AMZ1: variants seen among roughly 807,000 people sequenced by gnomAD.
AMZ1 encodes the protein archaemetzincin-1.
A neutral mutation model predicts 29.9 loss-of-function variants in AMZ1; 39 were observed. The ratio of observed to expected loss-of-function variants is 1.30; its 90% CI spans 1.01 to 1.70. AMZ1 has a LOEUF of 1.70. AMZ1 is among the 40% of genes most tolerant of loss of function. The pLI, the probability that AMZ1 is intolerant of heterozygous loss-of-function variation, is 0.00. For missense variants in AMZ1, 1,041 were observed against 680.6 expected, an observed-to-expected ratio of 1.53 and a Z score of -5.89; for synonymous variants, 458 against 304.0, an observed-to-expected ratio of 1.51 and a Z score of -5.27.
chr7:2,719,105 C>T lies in AMZ1; in HGVS notation c.*6227C>T, dbSNP rs1158745771. On this transcript the variant is annotated 3_prime_UTR_variant, in exon 7 of 7. Transcript: ENST00000683327. ...GGTGGGTGGTGGCCGTCCTCTTGGG[C>T]GCCCCCTTGTGAGGGCTCGAGGCCT... is the stretch of plus-strand genomic sequence containing the variant. 1.3e-5 allele frequency among the ~76,000 whole-genome samples: 2 copies of T among 151,746 alleles called. No individual in the cohort carries two copies. Among genetic ancestry groups the T allele is most frequent in the Non-Finnish European group, 2.9e-5 (2 of 67,992 alleles).
chr7:2,738,370 TAGG>T (rs1437149332), intron 4 of AMZ1, among the ~76,000 whole-genome samples: 1 of 151,670 alleles, frequency 6.6e-6, no homozygotes, highest in Non-Finnish European at 1.5e-5. Context: ...AAACGTCTAG[TAGG>T]AGAAGCTGCT....
chr7:2,691,303 CAG>C (rs1238378243), intron 1 of AMZ1, among the ~76,000 whole-genome samples: 1 of 147,702 alleles, frequency 6.8e-6, no homozygotes, highest in Non-Finnish European at 1.5e-5. Flanking sequence ...GGACTGGAGT[CAG>C]GGGTCTCTGT....
intron 6 of AMZ1, among the ~76,000 whole-genome samples, chr7:2,710,777 A>C (rs1018536798): frequency 6.6e-6 from 1 of 152,198 alleles, no homozygotes; most frequent in African/African-American, 2.4e-5. Context: ...CTTGGGGGGA[A>C]CCCAGGCGCA....
intron 4 of AMZ1, among the ~76,000 whole-genome samples, chr7:2,726,230 A>T (rs189335416): frequency 3.2e-4 from 48 of 152,322 alleles, no homozygotes; most frequent in African/African-American, 1.1e-3. Flanking sequence ...CACCAAAGAA[A>T]ACCCACCATC....
intron 1 of AMZ1, among the ~76,000 whole-genome samples, chr7:2,694,892 C>T (rs1042685967): frequency 4.6e-5 from 7 of 152,076 alleles, no homozygotes; most frequent in Non-Finnish European, 1.0e-4. Context: ...AGGCTGGTCT[C>T]GAACTCCTGA....
At chr7:2,696,874 A>G (rs1787778569) in intron 1 of AMZ1, among the ~76,000 whole-genome samples, 1 of 150,656 alleles carries the variant, frequency 6.6e-6, no homozygotes, top group African/African-American at 2.5e-5. Flanking sequence ...GTAGAGGGAG[A>G]CTCTGTCTCA....
At position 2,714,954 on chromosome 7, in the gene AMZ1, C is replaced by T. The variant is rs554423213; in HGVS notation, c.*2076C>T. The T allele has an allele frequency of 2.0e-5, 3 of 152,294 alleles. No individual in the cohort carries two copies. The highest frequency in any genetic ancestry group is 4.4e-5 in the Non-Finnish European group (3 of 68,010). The allele number at this position is 152,294 out of a possible 1,614,324, so 9.4% of individuals were successfully genotyped here. On this transcript the variant is annotated 3_prime_UTR_variant, in exon 7 of 7. Coordinates refer to ENST00000683327, the MANE Select transcript of AMZ1 (RefSeq NM_001384743.1). The stretch of plus-strand genomic sequence containing the variant: ...GAGAAGCTCAGATGTAGCATTAGGA[C>T]CTTCATCCATACCCTTCTCTTTTGC...
downstream of AMZ1, among the ~76,000 whole-genome samples, chr7:2,723,885 A>T (rs895274531): frequency 6.6e-6 from 1 of 152,120 alleles, no homozygotes; most frequent in African/African-American, 2.4e-5. Flanking sequence ...CTCTGCGGCG[A>T]TAAACTTTCC....
intron 5 of AMZ1, 74 bp downstream of exon 5, chr7:2,709,318 A>G: frequency 1.4e-6 from 2 of 1,379,892 alleles, no homozygotes; most frequent in Non-Finnish European, 1.9e-6. Context: ...TCGGTCTGTT[A>G]CACTGCCCCA....
intron 4 of AMZ1, among the ~76,000 whole-genome samples, chr7:2,743,038 C>A (rs951759369): frequency 6.6e-6 from 1 of 152,116 alleles, no homozygotes; most frequent in Non-Finnish European, 1.5e-5. Flanking sequence ...TCTTTTTGGC[C>A]AGGAGAACAA....
chr7:2,721,913 T>C (rs1024310084), downstream of AMZ1, among the ~76,000 whole-genome samples: 12 of 152,220 alleles, frequency 7.9e-5, no homozygotes, highest in African/African-American at 2.9e-4. Context: ...ATTTTTACAC[T>C]TTATCATATC....
intron 1 of AMZ1, among the ~76,000 whole-genome samples, chr7:2,696,474 G>T (rs112571790): frequency 3.3e-5 from 5 of 150,586 alleles, no homozygotes; most frequent in African/African-American, 1.2e-4. Context: ...AGCCAGGATG[G>T]TCTCGATCTC....
intron 1 of AMZ1, among the ~76,000 whole-genome samples, chr7:2,696,300 A>G (rs1215900329): frequency 1.5e-5 from 2 of 132,502 alleles, no homozygotes; most frequent in African/African-American, 2.9e-5. Context: ...TCTGTCACCC[A>G]GGCTGGAGTG....
At chr7:2,748,607 CT>C (rs1790879450) in intron 4 of AMZ1, among the ~76,000 whole-genome samples, 1 of 152,112 alleles carries the variant, frequency 6.6e-6, no homozygotes, top group African/African-American at 2.4e-5. Context: ...TGGGCAAGGA[CT>C]TCATGTCTAA....
chr7:2,747,853 T>G (rs1790842810), intron 4 of AMZ1, among the ~76,000 whole-genome samples: 1 of 152,150 alleles, frequency 6.6e-6, no homozygotes, highest in African/African-American at 2.4e-5. Flanking sequence ...ATTACAAGCA[T>G]TCTTATACAC....
Position 2,700,721 on chromosome 7 carries a change from C to T in AMZ1, c.270C>T (p.Arg90=), listed in dbSNP as rs1294408023. 2 of 1,613,024 alleles carry T rather than the reference C, an allele frequency of 1.2e-6. No homozygotes were observed. Among genetic ancestry groups the T allele is most frequent in the African/African-American group, 1.3e-5 (1 of 74,948 alleles). The change falls in exon 2 of 7, where the codon CGC becomes CGT. Residue 90 remains arginine (R), a synonymous_variant. Coordinates refer to ENST00000683327, the MANE Select transcript of AMZ1 (RefSeq NM_001384743.1). The stretch of plus-strand genomic sequence containing the variant: ...CCTCCCTGCAGCACCGGAAGCCCCG[C>T]CTGGCTCGGAAGCACATCTACCTAC... The part of the protein sequence containing the change: ...FHASLQHRKP[R]LARKHIYLQP...
At chr7:2,697,572 C>T (rs539360439) in intron 1 of AMZ1, among the ~76,000 whole-genome samples, 19 of 151,036 alleles carry the variant, frequency 1.3e-4, no homozygotes, top group East Asian at 3.9e-4. Flanking sequence ...TACAGGTGCG[C>T]GTCACCATGC....
chr7:2,728,291 G>A (rs1413746946), intron 4 of AMZ1: 1 of 152,114 alleles, frequency 6.6e-6, no homozygotes, highest in Non-Finnish European at 1.5e-5. Flanking sequence ...TTAGATGTCT[G>A]TGCCCAGAAC....
chr7:2,682,127 A>C (rs989364438), intron 1 of AMZ1, among the ~76,000 whole-genome samples: 1 of 152,158 alleles, frequency 6.6e-6, no homozygotes, highest in African/African-American at 2.4e-5. Flanking sequence ...CAGAAGCTCA[A>C]AGGGCGGCCT....
Sources: gnomAD v4.1 joint callset for allele counts (sites outside exome capture counted in the v4.1 genomes callset) on GRCh38, gnomAD v4.1.1 for gene constraint, MANE v1.5 for transcripts, NCBI Gene and HGNC (gene_info 2026-07-23, HGNC 2026-07-21) for gene names.